CIMIP5: variants seen among roughly 807,000 people sequenced by gnomAD.
The protein encoded by CIMIP5 is uncharacterized protein C2orf50.
At chr2:11,151,876 T>C in the CIMIP5 span, among the ~76,000 whole-genome samples, 1 of 152,204 alleles carries the variant, frequency 6.6e-6, no homozygotes, top group African/African-American at 2.4e-5. Flanking sequence ...TCAGGTGATC[T>C]GCACGCCTCA....
At chr2:11,150,544 C>A in the CIMIP5 span, among the ~76,000 whole-genome samples, 2 of 151,756 alleles carry the variant, frequency 1.3e-5, no homozygotes, top group Non-Finnish European at 2.9e-5. Context: ...ATTGGCCAGG[C>A]TGGTCTTGAA....
the CIMIP5 span, chr2:11,140,507 C>A: frequency 3.2e-6 from 5 of 1,560,072 alleles, no homozygotes; most frequent in Non-Finnish European, 3.5e-6. Flanking sequence ...TTTTCCTTTC[C>A]AGGATTCAGA....
the CIMIP5 span, among the ~76,000 whole-genome samples, chr2:11,136,989 CAA>C: frequency 6.6e-6 from 1 of 152,170 alleles, no homozygotes; most frequent in Admixed American, 6.5e-5. Flanking sequence ...CTGGAAAGCC[CAA>C]AGAGGAATGT....
chr2:11,134,270 T>G, the CIMIP5 span, among the ~76,000 whole-genome samples: 1 of 151,784 alleles, frequency 6.6e-6, no homozygotes, highest in Non-Finnish European at 1.5e-5. Flanking sequence ...GCACAGGGAG[T>G]GAGGAAGGCC....
chr2:11,143,813 G>A, the CIMIP5 span: 1 of 959,296 alleles, frequency 1.0e-6, no homozygotes, highest in Non-Finnish European at 1.5e-6. Flanking sequence ...TGAATCACCT[G>A]GAGATGCTTC....
chr2:11,146,603 C>T, the CIMIP5 span: 1 of 152,206 alleles, frequency 6.6e-6, no homozygotes, highest in Non-Finnish European at 1.5e-5. Context: ...ATACCCTGGC[C>T]CTGAGCGACT....
the CIMIP5 span, among the ~76,000 whole-genome samples, chr2:11,138,086 T>C: frequency 0.18 from 27,596 of 152,172 alleles, 7,332 homozygotes; most frequent in African/African-American, 0.58. Flanking sequence ...CCTCGTGATC[T>C]GCCTGCCTCG....
chr2:11,141,349 G>A, the CIMIP5 span, among the ~76,000 whole-genome samples: 1 of 151,708 alleles, frequency 6.6e-6, no homozygotes, highest in Non-Finnish European at 1.5e-5. Context: ...GGCTGGTCTC[G>A]AACTCCTGAC....
At chr2:11,140,965 A>G in the CIMIP5 span, among the ~76,000 whole-genome samples, 2 of 151,998 alleles carry the variant, frequency 1.3e-5, no homozygotes, top group South Asian at 2.1e-4. Flanking sequence ...TTGCCACCAG[A>G]CTAATTTCCC....
the CIMIP5 span, among the ~76,000 whole-genome samples, chr2:11,152,234 C>T: frequency 3.3e-5 from 5 of 152,326 alleles, no homozygotes; most frequent in African/African-American, 1.2e-4. Flanking sequence ...CAGAGGCTGC[C>T]TGACCCTAAA....
the CIMIP5 span, among the ~76,000 whole-genome samples, chr2:11,136,792 T>G: frequency 6.6e-5 from 10 of 152,202 alleles, no homozygotes; most frequent in African/African-American, 2.2e-4. Context: ...AGGAAACGGG[T>G]GGGCATTGGC....
At chr2:11,151,626 TTTTGG>T in the CIMIP5 span, among the ~76,000 whole-genome samples, 3 of 152,188 alleles carry the variant, frequency 2.0e-5, no homozygotes, top group Non-Finnish European at 4.4e-5. Context: ...GTGTTTTTGT[TTTTGG>T]TTTGGTTTGG....
chr2:11,139,071 C>A, the CIMIP5 span, among the ~76,000 whole-genome samples: 1 of 152,080 alleles, frequency 6.6e-6, no homozygotes, highest in African/African-American at 2.4e-5. Flanking sequence ...GCGCCCGCCA[C>A]CATGCCCGGC....
At chr2:11,151,367 G>A in the CIMIP5 span, among the ~76,000 whole-genome samples, 1 of 152,226 alleles carries the variant, frequency 6.6e-6, no homozygotes, top group African/African-American at 2.4e-5. Flanking sequence ...TGGCTCTCGA[G>A]TTCAGATCTC....
chr2:11,149,760 C>G, the CIMIP5 span, among the ~76,000 whole-genome samples: 1 of 151,850 alleles, frequency 6.6e-6, no homozygotes, highest in Non-Finnish European at 1.5e-5. Flanking sequence ...AAGTCAATGT[C>G]ATAAAAGACA....
chr2:11,151,911 G>A, the CIMIP5 span, among the ~76,000 whole-genome samples: 1 of 152,256 alleles, frequency 6.6e-6, no homozygotes, highest in Non-Finnish European at 1.5e-5. Flanking sequence ...TGGGATTACA[G>A]GCGTGAGCCA....
chr2:11,137,434 A>G, the CIMIP5 span, among the ~76,000 whole-genome samples: 9 of 152,196 alleles, frequency 5.9e-5, no homozygotes, highest in Non-Finnish European at 1.2e-4. Context: ...TTGAAATATA[A>G]GACATAACTG....
At chr2:11,143,882 C>A in the CIMIP5 span, 1 of 1,489,882 alleles carries the variant, frequency 6.7e-7, no homozygotes, top group Non-Finnish European at 9.0e-7. Context: ...CCTCCTTTTT[C>A]CACGCTCTGT....
At chr2:11,139,926 A>G in the CIMIP5 span, among the ~76,000 whole-genome samples, 2 of 151,822 alleles carry the variant, frequency 1.3e-5, no homozygotes, top group Non-Finnish European at 1.5e-5. Flanking sequence ...ATCTACACTA[A>G]TAATACAAAA....
Sources: gnomAD v4.1 joint callset for allele counts (sites outside exome capture counted in the v4.1 genomes callset) on GRCh38, gnomAD v4.1.1 for gene constraint, MANE v1.5 for transcripts, NCBI Gene and HGNC (gene_info 2026-07-23, HGNC 2026-07-21) for gene names.